The following LCLAT1 variants were observed in gnomAD, a reference collection of about 807,000 sequenced individuals.
LCLAT1 encodes the protein 1-AGP acyltransferase 8.
In LCLAT1, 11 loss-of-function variants were observed where a neutral mutation model predicts 30.7. That is an observed-to-expected ratio of 0.36 (90% CI 0.23 to 0.59). The LOEUF (loss-of-function observed/expected upper bound fraction) is 0.59, where lower values mean the gene tolerates loss of function less well. LCLAT1 is among the 20% of genes least tolerant of loss of function. The pLI is 0.77. For synonymous variants in LCLAT1, 155 were observed against 151.3 expected (o/e 1.02, Z -0.18); for missense variants, 402 against 458.6 (o/e 0.88, Z 1.13).
At chr2:30,542,817 A>G (rs1664206136) in intron 3 of LCLAT1, among the ~76,000 whole-genome samples, 2 of 152,280 alleles carry the variant, frequency 1.3e-5, no homozygotes, top group Admixed American at 6.5e-5. Context: ...ATAGAAATGC[A>G]GTTGATTTTT....
intron 4 of LCLAT1, among the ~76,000 whole-genome samples, chr2:30,566,048 A>C (rs1665470402): frequency 6.6e-6 from 1 of 152,122 alleles, no homozygotes; most frequent in Non-Finnish European, 1.5e-5. Flanking sequence ...TACAGGGAGT[A>C]ACGTGACAAG....
Position 30,521,037 on chromosome 2 carries a change from A to T in LCLAT1, c.-4-4550A>T, listed in dbSNP as rs1297425677. On this transcript the variant is annotated intron_variant, in intron 1 of 5. Coordinates refer to ENST00000379509, the MANE Select transcript of LCLAT1 (RefSeq NM_001002257.3). Reference sequence around the variant, plus strand: ...TCACCACAAAATTCGGGTCATAAAGACCTTGCTGATAAAACAGGTTGCAGT... The same window carrying T: ...TCACCACAAAATTCGGGTCATAAAGTCCTTGCTGATAAAACAGGTTGCAGT... Among the ~76,000 whole-genome samples the T allele has an allele frequency of 3.3e-5, 5 of 152,116 alleles. No homozygotes were observed. The East Asian group carries it at 9.6e-4, about 29-fold the overall frequency.
chr2:30,550,636 G>C (rs1055471886), intron 3 of LCLAT1, among the ~76,000 whole-genome samples: 1 of 152,090 alleles, frequency 6.6e-6, no homozygotes, highest in South Asian at 2.1e-4. Flanking sequence ...CTTATCACTG[G>C]TGATGTTAAT....
intron 3 of LCLAT1, chr2:30,552,656 T>G (rs1664733718): frequency 3.3e-6 from 1 of 305,294 alleles, no homozygotes; most frequent in African/African-American, 2.2e-5. Flanking sequence ...TAATGTGAGT[T>G]CAGAAAAGAT....
In LCLAT1 at chr2:30,642,229, T is replaced by C. The variant is rs1488460003; in HGVS notation, c.*1610T>C. Reference sequence around the variant, plus strand: ...AACACTGTTGACACATCATTTTTATTGGAAGAGTATTAACTGGTGCCTCTT... The same window carrying C: ...AACACTGTTGACACATCATTTTTATCGGAAGAGTATTAACTGGTGCCTCTT... On this transcript the variant is annotated 3_prime_UTR_variant, in exon 6 of 6. Coordinates refer to ENST00000379509, the MANE Select transcript of LCLAT1 (RefSeq NM_001002257.3). 1.3e-5 allele frequency: 2 copies of C among 152,192 alleles called. No individual in the cohort carries two copies. The highest frequency in any genetic ancestry group is 2.9e-5 in the Non-Finnish European group (2 of 68,034). 9.4% of individuals were successfully genotyped at this position (152,192 alleles called of 1,614,324 possible).
chr2:30,513,715 T>A lies in LCLAT1; in HGVS notation c.-4-11872T>A, dbSNP rs60651186. ...ATTCTATTCGTAGTCACCCCTCTGC[T>A]AACTGAGATAAATACATATCTGCTT... On this transcript the variant is annotated intron_variant, in intron 1 of 5. Coordinates refer to ENST00000379509, the MANE Select transcript of LCLAT1 (RefSeq NM_001002257.3). Among the ~76,000 whole-genome samples, 420 of 152,312 alleles carry A rather than the reference T, an allele frequency of 2.8e-3. 3 individuals are homozygous for A. Among genetic ancestry groups the A allele is most frequent in the African/African-American group, 9.6e-3 (398 of 41,562 alleles).
intron 3 of LCLAT1, among the ~76,000 whole-genome samples, chr2:30,534,369 G>A (rs1003259515): frequency 1.3e-4 from 20 of 151,942 alleles, no homozygotes; most frequent in Middle Eastern, 3.4e-3. Context: ...GCTCCACCTC[G>A]CAGGTTCACG....
intron 5 of LCLAT1, among the ~76,000 whole-genome samples, chr2:30,590,517 T>TA (rs1666642346): frequency 1.4e-5 from 2 of 143,658 alleles, no homozygotes; most frequent in African/African-American, 5.1e-5. Flanking sequence ...GTGGACATAT[T>TA]TTATATATAT....
At chr2:30,452,484 A>G (rs951723903) in intron 1 of LCLAT1, among the ~76,000 whole-genome samples, 1 of 152,188 alleles carries the variant, frequency 6.6e-6, no homozygotes, top group African/African-American at 2.4e-5. Flanking sequence ...ATTTGGTCAC[A>G]AAATTATGCC....
intron 1 of LCLAT1, among the ~76,000 whole-genome samples, chr2:30,502,530 T>TCCCCAG (rs1228444537): frequency 2.0e-5 from 3 of 152,086 alleles, no homozygotes; most frequent in African/African-American, 7.2e-5. Flanking sequence ...ATTCCCACTG[T>TCCCCAG]CCCCAGCCCC....
intron 5 of LCLAT1, among the ~76,000 whole-genome samples, chr2:30,602,407 T>G (rs1667232747): frequency 6.6e-6 from 1 of 152,184 alleles, no homozygotes; most frequent in South Asian, 2.1e-4. Flanking sequence ...TTTGAGAAAT[T>G]TTCAGGAAGC....
At chr2:30,550,857 A>G (rs1664646134) in intron 3 of LCLAT1, among the ~76,000 whole-genome samples, 1 of 152,126 alleles carries the variant, frequency 6.6e-6, no homozygotes, top group Non-Finnish European at 1.5e-5. Flanking sequence ...CCTACTCCCC[A>G]TTTATTTAAT....
At chr2:30,561,449 G>C (rs923609247) in intron 3 of LCLAT1, among the ~76,000 whole-genome samples, 1 of 152,172 alleles carries the variant, frequency 6.6e-6, no homozygotes, top group Non-Finnish European at 1.5e-5. Flanking sequence ...GATTGCCTCA[G>C]TTAGGTATCT....
At chr2:30,481,816 A>T (rs1212229694) in intron 1 of LCLAT1, among the ~76,000 whole-genome samples, 1 of 152,142 alleles carries the variant, frequency 6.6e-6, no homozygotes, top group Non-Finnish European at 1.5e-5. Context: ...ATACTTTGCT[A>T]CCCCAGAGTA....
chr2:30,569,694 A>G (rs1665686360), intron 5 of LCLAT1, among the ~76,000 whole-genome samples: 1 of 152,246 alleles, frequency 6.6e-6, no homozygotes, highest in African/African-American at 2.4e-5. Flanking sequence ...GCCAAGATGA[A>G]GCATATTTAT....
intron 5 of LCLAT1, among the ~76,000 whole-genome samples, chr2:30,634,459 C>T (rs545852626): frequency 6.6e-6 from 1 of 152,188 alleles, no homozygotes; most frequent in African/African-American, 2.4e-5. Context: ...AACCCCATCT[C>T]TACTAAAAAT....
At chr2:30,612,700 G>A (rs1667797022) in intron 5 of LCLAT1, among the ~76,000 whole-genome samples, 1 of 152,110 alleles carries the variant, frequency 6.6e-6, no homozygotes, top group Non-Finnish European at 1.5e-5. Context: ...TATGGTCTGA[G>A]GGATCATTAA....
At chr2:30,488,749 T>A (rs829674) in intron 1 of LCLAT1, among the ~76,000 whole-genome samples, 1 of 152,098 alleles carries the variant, frequency 6.6e-6, no homozygotes, top group African/African-American at 2.4e-5. Context: ...GGTCTTGGAG[T>A]GCAGAGTTGT....
intron 5 of LCLAT1, among the ~76,000 whole-genome samples, chr2:30,623,963 A>G (rs924835343): frequency 6.6e-6 from 1 of 152,198 alleles, no homozygotes; most frequent in African/African-American, 2.4e-5. Context: ...TCCCATCTTT[A>G]GCCTTCTTAA....
Sources: allele counts gnomAD v4.1 joint callset (sites outside exome capture counted in the v4.1 genomes callset), GRCh38; gene constraint gnomAD v4.1.1; transcripts MANE v1.5; gene names NCBI Gene and HGNC (gene_info 2026-07-23, HGNC 2026-07-21).